The following PLXNA2 variants were observed in gnomAD, a reference collection of about 807,000 sequenced individuals.
The protein encoded by PLXNA2 is plexin A2, also known as plexin-A2.
A neutral mutation model predicts 193.5 loss-of-function variants in PLXNA2; 91 were observed. The ratio of observed to expected loss-of-function variants is 0.47; its 90% CI spans 0.40 to 0.56. The LOEUF is 0.56. Among genes scored for constraint, PLXNA2 ranks in the 20% least tolerant of loss-of-function variants. The pLI is 0.00. For synonymous variants in PLXNA2, 997 were observed against 1,027.3 expected (o/e 0.97, Z 0.56); for missense variants, 1,995 against 2,503.2 (o/e 0.80, Z 4.33).
chr1:208,179,757 C>G (rs1017101642), intron 3 of PLXNA2, among the ~76,000 whole-genome samples: 1 of 152,126 alleles, frequency 6.6e-6, no homozygotes, highest in Non-Finnish European at 1.5e-5. Flanking sequence ...TGAAGCCTCC[C>G]CTTGGAGATT....
At chr1:208,229,943 G>A (rs1050994911) in intron 1 of PLXNA2, among the ~76,000 whole-genome samples, 1 of 152,188 alleles carries the variant, frequency 6.6e-6, no homozygotes, top group Non-Finnish European at 1.5e-5. Flanking sequence ...CTTTGGAGAC[G>A]GACCTGGGCT....
chr1:208,163,683 C>G (rs1669205633), intron 3 of PLXNA2, among the ~76,000 whole-genome samples: 1 of 152,214 alleles, frequency 6.6e-6, no homozygotes, highest in Admixed American at 6.5e-5. Flanking sequence ...TTCTGGTTCC[C>G]TAGTTACAGG....
At chr1:208,130,586 G>A (rs761890465) in intron 4 of PLXNA2, among the ~76,000 whole-genome samples, 5 of 152,144 alleles carry the variant, frequency 3.3e-5, no homozygotes, top group African/African-American at 4.8e-5. Context: ...TGTCATTGCC[G>A]CAAGGGGCAT....
chr1:208,218,635 C>A (rs1415997186), intron 1 of PLXNA2, among the ~76,000 whole-genome samples: 1 of 152,218 alleles, frequency 6.6e-6, no homozygotes, highest in East Asian at 1.9e-4. Flanking sequence ...GCAAGAAGAA[C>A]CCCTGATCAC....
At chr1:208,155,423 C>T (rs549172240) in intron 3 of PLXNA2, among the ~76,000 whole-genome samples, 1 of 152,314 alleles carries the variant, frequency 6.6e-6, no homozygotes, top group African/African-American at 2.4e-5. Context: ...GAGCTATAGC[C>T]TGGCTTTTGT....
At position 208,041,989 on chromosome 1, in the gene PLXNA2, C is replaced by T. The variant is rs574863638; in HGVS notation, c.4286+109G>A. The T allele has an allele frequency of 6.7e-6, 8 of 1,187,448 alleles. No homozygotes were observed. In the South Asian group the frequency reaches 8.7e-5, roughly 13 times the overall value. 73.6% of individuals were successfully genotyped at this position (1,187,448 alleles called of 1,614,324 possible). A position where few individuals can be genotyped will look rare whatever the true frequency, so the allele number is the denominator to read the frequency against. On this transcript the variant is annotated intron_variant, in intron 22 of 31. Coordinates refer to ENST00000367033, the MANE Select transcript of PLXNA2 (RefSeq NM_025179.4). ...CACAGGCTGCTCTGAATGGGTGCCC[C>T]TTCTGGGGAGTGGGCCTTCTCATGC...
At chr1:208,232,423 C>A (rs1208779753) in intron 1 of PLXNA2, among the ~76,000 whole-genome samples, 1 of 152,224 alleles carries the variant, frequency 6.6e-6, no homozygotes, top group Non-Finnish European at 1.5e-5. Flanking sequence ...TCTTCAATTC[C>A]CGACAGTGGC....
At chr1:208,112,283 T>C (rs1020546510) in intron 4 of PLXNA2, among the ~76,000 whole-genome samples, 2 of 152,216 alleles carry the variant, frequency 1.3e-5, no homozygotes, top group Admixed American at 6.5e-5. Context: ...TGACTGCTCC[T>C]GAAACCTGTT....
At chr1:208,170,055 C>T (rs1403315609) in intron 3 of PLXNA2, among the ~76,000 whole-genome samples, 2 of 152,180 alleles carry the variant, frequency 1.3e-5, no homozygotes, top group African/African-American at 4.8e-5. Context: ...TCTCAGTCCT[C>T]AGCCCCCCTT....
At chr1:208,053,638 T>C (rs556953566) in intron 14 of PLXNA2, among the ~76,000 whole-genome samples, 2 of 152,322 alleles carry the variant, frequency 1.3e-5, no homozygotes, top group South Asian at 4.1e-4. Flanking sequence ...TCTGCTAGTG[T>C]TAATGCCTTT....
chr1:208,097,498 G>T (rs893301374), intron 6 of PLXNA2, among the ~76,000 whole-genome samples: 1 of 152,196 alleles, frequency 6.6e-6, no homozygotes, highest in African/African-American at 2.4e-5. Context: ...GAGCTCAGGG[G>T]ATCAGAGAAG....
At chr1:208,129,378 T>C (rs1359121889) in intron 4 of PLXNA2, among the ~76,000 whole-genome samples, 2 of 152,082 alleles carry the variant, frequency 1.3e-5, no homozygotes, top group Admixed American at 1.3e-4. Context: ...CATGATGGCT[T>C]CCTACCAAGT....
At chr1:208,133,777 G>A (rs950133091) in intron 4 of PLXNA2, among the ~76,000 whole-genome samples, 1 of 152,188 alleles carries the variant, frequency 6.6e-6, no homozygotes, top group African/African-American at 2.4e-5. Flanking sequence ...AGGATGCTGG[G>A]CTAGACCAGG....
At chr1:208,185,238 C>T (rs555440866) in intron 3 of PLXNA2, among the ~76,000 whole-genome samples, 4 of 152,156 alleles carry the variant, frequency 2.6e-5, no homozygotes, top group Non-Finnish European at 4.4e-5. Flanking sequence ...GGAGGTGGGG[C>T]CTCTCAGGAT....
rs898298163 is a variant in PLXNA2 at position 208,038,569 on chromosome 1, C to A, written c.4661-95G>T. On this transcript the variant is annotated intron_variant, in intron 25 of 31. Transcript: ENST00000367033. This position sits in a 1 kb window ranked among gnomAD's most constrained non-coding sequence, Gnocchi z 4.1. Reference sequence around the variant, plus strand: ...GCACCTTCTCTAGGGACCTGGCAACCCGGCCCCCTCAAGCTGGTACCAATA... The same window carrying A: ...GCACCTTCTCTAGGGACCTGGCAACACGGCCCCCTCAAGCTGGTACCAATA... 3 of 1,007,662 alleles carry A rather than the reference C, an allele frequency of 3.0e-6. No homozygotes were observed. Among genetic ancestry groups the A allele is most frequent in the African/African-American group, 3.1e-5 (2 of 63,504 alleles). 62.4% of individuals were successfully genotyped at this position (1,007,662 alleles called of 1,614,324 possible).
intron 6 of PLXNA2, among the ~76,000 whole-genome samples, 154 bp from the exon 7 acceptor site, chr1:208,097,037 A>G (rs1306267476): frequency 4.6e-5 from 7 of 152,324 alleles, no homozygotes; most frequent in Middle Eastern, 3.4e-3. Flanking sequence ...AGCTTTGAAC[A>G]CTGAAGTTAC....
intron 3 of PLXNA2, among the ~76,000 whole-genome samples, chr1:208,177,939 T>G (rs185926315): frequency 6.6e-6 from 1 of 152,256 alleles, no homozygotes; most frequent in Non-Finnish European, 1.5e-5. Context: ...TGGTTATCTG[T>G]GTACAGTGTG....
intron 1 of PLXNA2, among the ~76,000 whole-genome samples, chr1:208,227,233 G>GA (rs1004081547): frequency 8.6e-5 from 13 of 151,704 alleles, no homozygotes; most frequent in Non-Finnish European, 1.2e-4. Flanking sequence ...TTATTTTCTG[G>GA]AAAAAAAACT....
In PLXNA2 at chr1:208,025,556, CCT is replaced by C. The variant is rs140757737; in HGVS notation, c.*1685_*1686del. The C allele has an allele frequency of 0.013, 1,942 of 152,586 alleles. 95 individuals are homozygous for C. Among genetic ancestry groups the C allele is most frequent in the East Asian group, 0.098 (507 of 5,182 alleles). 9.5% of individuals were successfully genotyped at this position (152,586 alleles called of 1,614,324 possible). On this transcript the variant is annotated 3_prime_UTR_variant, in exon 32 of 32. Coordinates refer to ENST00000367033, the MANE Select transcript of PLXNA2 (RefSeq NM_025179.4). The stretch of plus-strand genomic sequence containing the variant: ...TTTGCTTCCACTTGTCCTCCTACCC[CCT>C]GACTCCAGTGCTGCTTGCAGAACAG...
Sources: gnomAD v4.1 joint callset for allele counts (sites outside exome capture counted in the v4.1 genomes callset) on GRCh38, gnomAD v4.1.1 for gene constraint, Gnocchi (gnomAD v3.1) non-coding constraint, MANE v1.5 for transcripts, NCBI Gene and HGNC (gene_info 2026-07-23, HGNC 2026-07-21) for gene names.